The following ZBTB41 variants were observed in gnomAD, a reference collection of about 807,000 sequenced individuals.
ZBTB41 encodes the protein zinc finger and BTB domain-containing protein 41.
ZBTB41 carries 42 observed loss-of-function variants against 87.6 expected under a neutral mutation model. That is an observed-to-expected ratio of 0.48 (90% CI 0.37 to 0.62). The LOEUF (loss-of-function observed/expected upper bound fraction) is 0.62, where lower values mean the gene tolerates loss of function less well. Among genes scored for constraint, ZBTB41 ranks in the 20% least tolerant of loss-of-function variants. The probability of loss-of-function intolerance (pLI) is 0.00; values close to 1 mark genes in which losing one functional copy is unlikely to be tolerated. For missense variants in ZBTB41, 799 were observed against 1,078.9 expected, an observed-to-expected ratio of 0.74 and a Z score of 3.63; for synonymous variants, 364 against 364.0, an observed-to-expected ratio of 1.00 and a Z score of 0.00.
rs547738476 is a variant in ZBTB41, at chr1:197,156,652, G to A, written c.*2707C>T. 2.0e-5 allele frequency: 3 copies of A among 152,298 alleles called. No homozygotes were observed. Among genetic ancestry groups the A allele is most frequent in the African/African-American group, 7.2e-5 (3 of 41,514 alleles). 9.4% of individuals were successfully genotyped at this position (152,298 alleles called of 1,614,324 possible). A position where few individuals can be genotyped will look rare whatever the true frequency, so the allele number is the denominator to read the frequency against. On this transcript the variant is annotated 3_prime_UTR_variant, in exon 11 of 11. Transcript: ENST00000367405. ...TTTGTCAAAAGCCTATATACATTCA[G>A]TTTGCCCAAATCCATGAGGTTTTCA...
intron 4 of ZBTB41, among the ~76,000 whole-genome samples, chr1:197,190,086 T>A (rs967021296): frequency 6.6e-6 from 1 of 151,548 alleles, no homozygotes; most frequent in African/African-American, 2.4e-5. Context: ...GCCCAGCTAA[T>A]TTTTTTTTAT....
intron 6 of ZBTB41, among the ~76,000 whole-genome samples, chr1:197,180,009 C>T (rs946555770): frequency 6.6e-6 from 1 of 152,030 alleles, no homozygotes; most frequent in Non-Finnish European, 1.5e-5. Flanking sequence ...ACACTAATGT[C>T]CGCGGCCTTC....
rs1659007838 is a variant in ZBTB41, at chr1:197,154,159, C to G, written c.*5200G>C. The stretch of plus-strand genomic sequence containing the variant: ...AAAATTTTGTAATTACATCACAGTA[C>G]ATTGTCCAGCTTTAATGCAAGCAGG... On this transcript the variant is annotated 3_prime_UTR_variant, in exon 11 of 11. Coordinates refer to ENST00000367405, the MANE Select transcript of ZBTB41 (RefSeq NM_194314.3). The G allele has an allele frequency of 6.6e-6, 1 of 152,480 alleles. No individual in the cohort carries two copies. The highest frequency in any genetic ancestry group is 6.6e-5 in the Admixed American group (1 of 15,246). The allele number at this position is 152,480 out of a possible 1,614,324, so 9.4% of individuals were successfully genotyped here.
intron 2 of ZBTB41, among the ~76,000 whole-genome samples, chr1:197,198,582 AT>A (rs1660224742): frequency 6.6e-6 from 1 of 152,298 alleles, no homozygotes; most frequent in South Asian, 2.1e-4. Context: ...AAAAGTTTAC[AT>A]TAGAACAGTT....
intron 2 of ZBTB41, among the ~76,000 whole-genome samples, chr1:197,193,193 T>C (rs186695863): frequency 6.6e-6 from 1 of 152,236 alleles, no homozygotes; most frequent in Non-Finnish European, 1.5e-5. Context: ...TAACACTTCA[T>C]GGGGTTGTGA....
chr1:197,191,981 T>C, intron 2 of ZBTB41, 82 bp from the exon 3 acceptor site: 2 of 1,198,800 alleles, frequency 1.7e-6, no homozygotes, highest in Non-Finnish European at 2.3e-6. Context: ...TAAAACCTCA[T>C]GATTTAGCAA....
At chr1:197,163,527 G>C (rs534966930) in intron 10 of ZBTB41, among the ~76,000 whole-genome samples, 7 of 151,896 alleles carry the variant, frequency 4.6e-5, no homozygotes, top group African/African-American at 1.7e-4. Flanking sequence ...GGAGGAGAGA[G>C]AATAGGCAAT....
Position 197,154,240 on chromosome 1 carries a change from A to G in ZBTB41, c.*5119T>C, listed in dbSNP as rs933929001. 6.6e-6 allele frequency: 1 copy of G among 152,554 alleles called. No homozygotes were observed. Among genetic ancestry groups the G allele is most frequent in the African/African-American group, 2.4e-5 (1 of 41,464 alleles). 9.5% of individuals were successfully genotyped at this position (152,554 alleles called of 1,614,324 possible). A position where few individuals can be genotyped will look rare whatever the true frequency, so the allele number is the denominator to read the frequency against. ...TGAGATGTGTACATCCTCTTCATTCAATACATCTTTTAGAATCTCCAACAG... is the reference window on the plus strand; with the variant it reads ...TGAGATGTGTACATCCTCTTCATTCGATACATCTTTTAGAATCTCCAACAG... On this transcript the variant is annotated 3_prime_UTR_variant, in exon 11 of 11. Coordinates refer to ENST00000367405, the MANE Select transcript of ZBTB41 (RefSeq NM_194314.3).
chr1:197,198,739 A>G (rs894249930), intron 2 of ZBTB41, among the ~76,000 whole-genome samples: 5 of 152,202 alleles, frequency 3.3e-5, no homozygotes, highest in African/African-American at 1.2e-4. Context: ...ATTCATTATT[A>G]TAACAACCAA....
At chr1:197,173,722 AT>A (rs1272262396) in intron 9 of ZBTB41, among the ~76,000 whole-genome samples, 1 of 152,140 alleles carries the variant, frequency 6.6e-6, no homozygotes, top group Admixed American at 6.6e-5. Flanking sequence ...CCTAACCAGT[AT>A]GCTTGGTTTA....
intron 10 of ZBTB41, among the ~76,000 whole-genome samples, chr1:197,166,927 C>A (rs887486294): frequency 1.3e-4 from 20 of 152,124 alleles, no homozygotes; most frequent in Non-Finnish European, 2.4e-4. Context: ...TCTGTCAATT[C>A]TTGCAAACAC....
At chr1:197,197,340 T>C (rs938191225) in intron 2 of ZBTB41, among the ~76,000 whole-genome samples, 1 of 151,818 alleles carries the variant, frequency 6.6e-6, no homozygotes, top group Admixed American at 6.6e-5. Context: ...TAGATATAGA[T>C]ATAGATACAC....
intron 2 of ZBTB41, among the ~76,000 whole-genome samples, chr1:197,197,259 A>T (rs1418531357): frequency 1.3e-5 from 2 of 151,996 alleles, no homozygotes; most frequent in African/African-American, 4.8e-5. Flanking sequence ...ACAGGATTCC[A>T]AAAAAACCAA....
At chr1:197,177,270 TAA>T (rs1313140733) in intron 7 of ZBTB41, among the ~76,000 whole-genome samples, 1 of 152,100 alleles carries the variant, frequency 6.6e-6, no homozygotes, top group Non-Finnish European at 1.5e-5. Context: ...TCTGATGCTT[TAA>T]AAGTGTTCCA....
At chr1:197,182,393 C>A (rs1172505381) in intron 5 of ZBTB41, among the ~76,000 whole-genome samples, 1 of 152,046 alleles carries the variant, frequency 6.6e-6, no homozygotes, top group Non-Finnish European at 1.5e-5. Flanking sequence ...CTATTTTAAA[C>A]AACCTCCTGG....
At chr1:197,162,648 T>G (rs902082344) in intron 10 of ZBTB41, among the ~76,000 whole-genome samples, 2 of 152,140 alleles carry the variant, frequency 1.3e-5, no homozygotes, top group Non-Finnish European at 2.9e-5. Flanking sequence ...TAAAAGATTT[T>G]TAAAAAATAA....
chr1:197,185,044 C>T (rs867854339), intron 5 of ZBTB41, among the ~76,000 whole-genome samples: 31 of 152,098 alleles, frequency 2.0e-4, no homozygotes, highest in African/African-American at 7.2e-4. Flanking sequence ...GAACTCCTGA[C>T]CTCAGGTGAT....
chr1:197,196,164 A>G (rs963054854), intron 2 of ZBTB41, among the ~76,000 whole-genome samples: 1 of 152,226 alleles, frequency 6.6e-6, no homozygotes, highest in East Asian at 1.9e-4. Context: ...AATCTAAGAC[A>G]GATAAATACC....
In ZBTB41 at chr1:197,159,520, GA is replaced by G; in HGVS notation, c.2568del (p.Leu857TrpfsTer13). 1 of 1,613,956 alleles carries G rather than the reference GA, an allele frequency of 6.2e-7. No homozygotes were observed. Among genetic ancestry groups the G allele is most frequent in the Non-Finnish European group, 8.5e-7 (1 of 1,179,884 alleles). ...TGAGGAGTAAGAGTATATTTTTCCA[GA>G]AAAGCTAAATCCGCTGCTCGTGGAT... ...TDYPRAADLA[F>X]LEKYTLTPQP... On this transcript the variant is annotated frameshift_variant, in exon 11 of 11. Transcript: ENST00000367405. LOFTEE classifies it high-confidence loss of function.
Sources: allele counts gnomAD v4.1 joint callset (sites outside exome capture counted in the v4.1 genomes callset), GRCh38; gene constraint gnomAD v4.1.1; transcripts MANE v1.5; gene names NCBI Gene and HGNC (gene_info 2026-07-23, HGNC 2026-07-21).